The following NKTR variants were observed in gnomAD, a reference collection of about 807,000 sequenced individuals.
NKTR encodes natural killer cell triggering receptor.
NKTR carries 67 observed loss-of-function variants against 156.3 expected under a neutral mutation model. The ratio of observed to expected loss-of-function variants is 0.43; its 90% CI spans 0.35 to 0.53. NKTR has a LOEUF of 0.53. Ranked by LOEUF, NKTR falls within the 20% of genes least tolerant of loss-of-function variation. The pLI is 0.01. For synonymous variants in NKTR, 640 were observed against 596.6 expected (o/e 1.07, Z -1.06); for missense variants, 1,604 against 1,730.9 (o/e 0.93, Z 1.30).
In NKTR at chr3:42,638,699, G is replaced by A; in HGVS notation, c.2995G>A (p.Gly999Arg). 1 of 1,611,702 alleles carries A rather than the reference G, an allele frequency of 6.2e-7. No homozygotes were observed. Among genetic ancestry groups the A allele is most frequent in the Non-Finnish European group, 8.5e-7 (1 of 1,179,480 alleles). ...CAAAAAAGTGAAAGAGAAATTGAAAGGGAAAAAAGACAAAAAGCATAAGGC... is the reference window on the plus strand; with the variant it reads ...CAAAAAAGTGAAAGAGAAATTGAAAAGGAAAAAAGACAAAAAGCATAAGGC... The part of the protein sequence containing the change: ...HTKKVKEKLK[G>R]KKDKKHKAPK... Residue 999 changes from glycine to arginine, a missense_variant, in exon 13 of 17, where the codon GGG (glycine) becomes AGG (arginine). Gly to Arg is a moderately radical substitution (Grantham distance 125). Transcript: ENST00000232978.
intron 2 of NKTR, 200 bp downstream of exon 2, chr3:42,601,264 C>G (rs945686338): frequency 4.6e-6 from 2 of 430,358 alleles, no homozygotes; most frequent in Non-Finnish European, 8.4e-6. Context: ...GGGCCTCTTC[C>G]TGCCAAACCC....
chr3:42,645,978 A>C lies in NKTR; in HGVS notation c.*3A>C, dbSNP rs769989803. 7 of 1,603,480 alleles carry C rather than the reference A, an allele frequency of 4.4e-6. No individual in the cohort carries two copies. In the Admixed American group the frequency reaches 6.7e-5, roughly 15 times the overall value. ...GTGAGAGCAGCAGATACAGTTGAAA[A>C]CGTCCGGATACAAATTATATCTTAT... On this transcript the variant is annotated 3_prime_UTR_variant, in exon 17 of 17. Transcript: ENST00000232978.
At position 42,637,523 on chromosome 3, in the gene NKTR, G is replaced by A; in HGVS notation, c.1819G>A (p.Val607Ile). 6.2e-7 allele frequency: 1 copy of A among 1,614,032 alleles called. No homozygotes were observed. The highest frequency in any genetic ancestry group is 8.5e-7 in the Non-Finnish European group (1 of 1,180,002). Residue 607 changes from valine (V) to isoleucine (I), a missense_variant, in exon 13 of 17, where the codon GTA becomes ATA. By Grantham distance (29) the Val-to-Ile change is conservative (BLOSUM62 3). Around this residue, in one of 6 missense-constraint regions of NKTR, gnomAD observed 1,255 missense variants for 1,243.7 expected, o/e 1.01. Coordinates refer to ENST00000232978, the MANE Select transcript of NKTR (RefSeq NM_005385.4). ...VQPVVAENIPVIPLSDSPPPS... is the reference protein window; with the variant it reads ...VQPVVAENIPIIPLSDSPPPS... The stretch of plus-strand genomic sequence containing the variant: ...ACCAGTTGTAGCAGAAAATATTCCT[G>A]TAATACCACTGAGTGACAGTCCCCC...
At chr3:42,635,037 CTAAAA>C (rs1709251596) in intron 11 of NKTR, 179 bp from the exon 12 acceptor site, 1 of 429,500 alleles carries the variant, frequency 2.3e-6, no homozygotes, top group Non-Finnish European at 4.0e-6. Context: ...TCACCTGAAC[CTAAAA>C]TAAAAGTTAA....
chr3:42,632,616 GGAA>G lies in NKTR; in HGVS notation c.570_572del (p.Lys191del). 1 of 1,600,742 alleles carries G rather than the reference GGAA, an allele frequency of 6.2e-7. No homozygotes were observed. The highest frequency in any genetic ancestry group is 8.5e-7 in the Non-Finnish European group (1 of 1,175,978). ...TTCTTAAAAGTTTTTGAGAAAAAAAGGAAGAAACCAACTCATTCAGAAGGCTCG... is the reference window on the plus strand; with the variant it reads ...TTCTTAAAAGTTTTTGAGAAAAAAAGGAAACCAACTCATTCAGAAGGCTCG... On this transcript the variant is annotated inframe_deletion, in exon 9 of 17. Transcript: ENST00000232978.
At chr3:42,601,337 G>A (rs1244709144) in intron 2 of NKTR, 5 of 323,860 alleles carry the variant, frequency 1.5e-5, no homozygotes, top group Non-Finnish European at 2.8e-5. Flanking sequence ...AGAAAAGGAG[G>A]TGCAGTTCTT....
chr3:42,631,296 C>T lies in NKTR; in HGVS notation c.530C>T (p.Ala177Val). Residue 177 changes from alanine to valine, a missense_variant, in exon 8 of 17, where the codon GCC becomes GTC. Transcript: ENST00000232978. ...CGAGTTATTGACTGTGGAGTACTTGCCACAAAATCAATAAAAGATGGTAAG... is the reference window on the plus strand; with the variant it reads ...CGAGTTATTGACTGTGGAGTACTTGTCACAAAATCAATAAAAGATGGTAAG... ...DVRVIDCGVL[A>V]TKSIKDVFEK... 6.2e-7 allele frequency: 1 copy of T among 1,613,246 alleles called. No homozygotes were observed. Among genetic ancestry groups the T allele is most frequent in the Non-Finnish European group, 8.5e-7 (1 of 1,179,604 alleles).
In NKTR at chr3:42,638,600, A is replaced by G; in HGVS notation, c.2896A>G (p.Asn966Asp). The G allele has an allele frequency of 6.2e-7, 1 of 1,614,010 alleles. No individual in the cohort carries two copies. Among genetic ancestry groups the G allele is most frequent in the East Asian group, 2.2e-5 (1 of 44,888 alleles). ...STSDSEGSCS[N>D]SENNRGKPQK... ...TTCTGACTCTGAGGGGTCCTGTTCC[A>G]ATTCGGAAAACAATAGGGGAAAGCC... The change falls in exon 13 of 17, where the codon AAT (asparagine) becomes GAT (aspartate). Residue 966 changes from asparagine to aspartate, a missense_variant. By Grantham distance (23) the Asn-to-Asp change is conservative. Transcript: ENST00000232978.
intron 1 of NKTR, 29 bp from the exon 2 acceptor site, chr3:42,600,955 C>G (rs1453568337): frequency 6.8e-6 from 10 of 1,476,378 alleles, no homozygotes; most frequent in Non-Finnish European, 8.2e-6. Flanking sequence ...CGCCCCTGCC[C>G]TGACCGCTTT....
chr3:42,639,741 C>T lies in NKTR; in HGVS notation c.4037C>T (p.Ser1346Leu). The T allele has an allele frequency of 1.2e-6, 2 of 1,602,198 alleles. No individual in the cohort carries two copies. The highest frequency in any genetic ancestry group is 1.7e-6 in the Non-Finnish European group (2 of 1,172,274). The change falls in exon 13 of 17, where the codon TCA becomes TTA. Residue 1346 changes from serine to leucine, a missense_variant. This residue lies in a region of NKTR where 193 missense variants were observed against 220.2 expected (regional missense o/e 0.88). Coordinates refer to ENST00000232978, the MANE Select transcript of NKTR (RefSeq NM_005385.4). ...HSRSRSRSST[S>L]SYRSRSYSRS... ...AGAAGTCGATCGAGAAGTTCCACAT[C>T]ATCTTATCGGTGAGCAATATTCTCT...
At position 42,643,926 on chromosome 3, in the gene NKTR, T is replaced by C. The variant is rs201270271; in HGVS notation, c.4224T>C (p.Tyr1408=). 13 of 1,613,998 alleles carry C rather than the reference T, an allele frequency of 8.1e-6. No individual in the cohort carries two copies. Among genetic ancestry groups the C allele is most frequent in the Admixed American group, 5.0e-5 (3 of 60,008 alleles). Residue 1408 remains tyrosine (Y), a synonymous_variant, in exon 16 of 17, where the codon TAT becomes TAC. Transcript: ENST00000232978. The stretch of plus-strand genomic sequence containing the variant: ...GGTCCTACACCTACGATAGCTACTA[T>C]AGCAGGAGTCGGAGTCGAAGTAGAA... ...RSRSYTYDSY[Y]SRSRSRSRSQ... is the part of the protein sequence containing the mutation.
chr3:42,619,867 A>T, intron 5 of NKTR, 159 bp downstream of exon 5: 1 of 1,413,270 alleles, frequency 7.1e-7, no homozygotes, highest in Admixed American at 3.0e-5. Flanking sequence ...GGGATAAATT[A>T]TATTGTAATA....
intron 15 of NKTR, 70 bp downstream of exon 15, chr3:42,643,465 C>A: frequency 7.8e-7 from 1 of 1,282,426 alleles, no homozygotes; most frequent in South Asian, 1.2e-5. Context: ...ACTGTTTGTT[C>A]AAAGTGGTAT....
At chr3:42,620,012 A>T in intron 5 of NKTR, 1 of 1,533,980 alleles carries the variant, frequency 6.5e-7, no homozygotes, top group Non-Finnish European at 8.7e-7. Context: ...TCTTTTGTTT[A>T]TAGAGAATGT....
rs1407905922 is a variant in NKTR at position 42,637,452 on chromosome 3, A to T, written c.1748A>T (p.Glu583Val). 1 of 1,612,956 alleles carries T rather than the reference A, an allele frequency of 6.2e-7. No homozygotes were observed. The highest frequency in any genetic ancestry group is 2.2e-5 in the East Asian group (1 of 44,882). ...AGTGAAAATAAACCAGTTAAAACAG[A>T]ACCTTTAAGAGCAACCATGGCACAA... is the stretch of plus-strand genomic sequence containing the variant. ...QLSENKPVKTEPLRATMAQNE... is the reference protein window; with the variant it reads ...QLSENKPVKTVPLRATMAQNE... Residue 583 changes from glutamate (E) to valine (V), a missense_variant, in exon 13 of 17, where the codon GAA (glutamate) becomes GTA (valine). Physicochemically the swap from Glu to Val is moderately radical, Grantham distance 121 (BLOSUM62 -2). This residue lies in a region of NKTR where 1,255 missense variants were observed against 1,243.7 expected (regional missense o/e 1.01). Coordinates refer to ENST00000232978, the MANE Select transcript of NKTR (RefSeq NM_005385.4).
At chr3:42,603,403 C>T (rs1287394713) in intron 2 of NKTR, among the ~76,000 whole-genome samples, 1 of 126,792 alleles carries the variant, frequency 7.9e-6, no homozygotes, top group Non-Finnish European at 1.8e-5. Context: ...AGAAAAAGTA[C>T]AAATAAAAAT....
At chr3:42,630,939 A>C in intron 7 of NKTR, 1 of 1,392,470 alleles carries the variant, frequency 7.2e-7, no homozygotes, top group Non-Finnish European at 9.3e-7. Flanking sequence ...TTACCCTAAA[A>C]TGGTTAAGAA....
chr3:42,640,937 C>T (rs1265078700), intron 13 of NKTR, among the ~76,000 whole-genome samples: 1 of 152,214 alleles, frequency 6.6e-6, no homozygotes, highest in Non-Finnish European at 1.5e-5. Flanking sequence ...CTGCCTTAAC[C>T]ATTTACACAG....
intron 2 of NKTR, among the ~76,000 whole-genome samples, chr3:42,607,816 CAG>C (rs1706367937): frequency 1.3e-5 from 2 of 151,852 alleles, no homozygotes; most frequent in African/African-American, 4.8e-5. Context: ...CCCACAGTAA[CAG>C]ATTCTTCAAA....
Sources: gnomAD v4.1 joint callset for allele counts (sites outside exome capture counted in the v4.1 genomes callset) on GRCh38, gnomAD v4.1.1 for gene constraint, gnomAD v4.1.1 regional missense constraint, MANE v1.5 for transcripts, NCBI Gene and HGNC (gene_info 2026-07-23, HGNC 2026-07-21) for gene names.